Variants in JAK3 observed in about 807,000 individuals in gnomAD.
JAK3 encodes Janus kinase 3, also known as tyrosine-protein kinase JAK3.
Under a neutral mutation model 120.8 loss-of-function variants are expected in JAK3, and 88 were observed. That is an observed-to-expected ratio of 0.73 (90% confidence interval 0.61 to 0.87). The LOEUF is 0.87. Among genes scored for constraint, JAK3 ranks in the 40% least tolerant of loss-of-function variants. The probability of loss-of-function intolerance (pLI) is 0.00; values close to 1 mark genes in which losing one functional copy is unlikely to be tolerated. For missense variants in JAK3, 1,254 were observed against 1,501.4 expected (o/e 0.84, Z 2.72); for synonymous variants, 592 against 628.6 (o/e 0.94, Z 0.87).
rs150123103 is a variant in JAK3, at chr19:17,841,185, C to A, written c.1142+204G>T. Among the ~76,000 whole-genome samples, 131 of 152,210 alleles carry A rather than the reference C, an allele frequency of 8.6e-4. No individual in the cohort carries two copies. The highest frequency in any genetic ancestry group is 2.1e-3 in the African/African-American group (89 of 41,530). ...ACTTGTCCATCTCCAGGAAATGGCC[C>A]TGGGGTCAGAGAGAGAGAGAGTAGT... On this transcript the variant is annotated intron_variant, in intron 8 of 23. Transcript: ENST00000458235. The surrounding 1 kb of genome is among the most constrained non-coding windows in gnomAD (Gnocchi z 4.1).
chr19:17,837,048 T>C, intron 13 of JAK3, 81 bp downstream of exon 13: 1 of 888,692 alleles, frequency 1.1e-6, no homozygotes, highest in Non-Finnish European at 1.7e-6. Context: ...GGCTGTCATA[T>C]AGCGGCTCAG....
At chr19:17,833,501 A>C (rs188320369) in intron 17 of JAK3, among the ~76,000 whole-genome samples, 1 of 149,578 alleles carries the variant, frequency 6.7e-6, no homozygotes, top group Admixed American at 6.8e-5. Context: ...TGAGCCAGTA[A>C]TTCAAGACCA....
At position 17,841,664 on chromosome 19, in the gene JAK3, A is replaced by G. The variant is rs747799438; in HGVS notation, c.960T>C (p.Val320=). 5.0e-6 allele frequency: 8 copies of G among 1,613,846 alleles called. No homozygotes were observed. The Admixed American group carries it at 1.2e-4, about 24-fold the overall frequency. The change falls in exon 7 of 24, where the codon GTT becomes GTC. Residue 320 remains valine (V), a synonymous_variant. Transcript: ENST00000458235. The surrounding 1 kb of genome is among the most constrained non-coding windows in gnomAD (Gnocchi z 4.1). ...CTAAAATCTGGTTGTCTGTCCTGGT[A>G]ACAGTGACCAGGCGGTGCTCTCCGG... The part of the protein sequence containing the change: ...GPAGEHRLVT[V]TRTDNQILEA...
chr19:17,838,077 G>A lies in JAK3; in HGVS notation c.1570-14C>T, dbSNP rs1401110943. 6.2e-7 allele frequency: 1 copy of A among 1,614,124 alleles called. No homozygotes were observed. Among genetic ancestry groups the A allele is most frequent in the Non-Finnish European group, 8.5e-7 (1 of 1,180,038 alleles). On this transcript the variant is annotated splice_polypyrimidine_tract_variant and intron_variant, in intron 11 of 23. Coordinates refer to ENST00000458235, the MANE Select transcript of JAK3 (RefSeq NM_000215.4). ...CAGGTTCTCATGCTGAATGGTGAGG[G>A]GACAGCAGAAGAGGCCAGTGAGGGG...
chr19:17,825,378 G>A lies in JAK3; in HGVS notation c.*1365C>T, dbSNP rs2094202163. On this transcript the variant is annotated 3_prime_UTR_variant, in exon 24 of 24. Coordinates refer to ENST00000458235, the MANE Select transcript of JAK3 (RefSeq NM_000215.4). ...GTGTCATCCCTTTGTGCCCCTTGTA[G>A]GGTGAGGACAGAAAGGGTCCCATTG... 4.0e-5 allele frequency: 9 copies of A among 224,058 alleles called. No individual in the cohort carries two copies. In the Admixed American group the frequency reaches 5.2e-4, roughly 13 times the overall value. 13.9% of individuals were successfully genotyped at this position (224,058 alleles called of 1,614,324 possible).
chr19:17,828,005 T>C (rs1485633277), intron 23 of JAK3, among the ~76,000 whole-genome samples: 1 of 151,910 alleles, frequency 6.6e-6, no homozygotes, highest in East Asian at 1.9e-4. Context: ...CACATCTGCC[T>C]CCATCGCACT....
chr19:17,829,771 GAA>G (rs59186613), intron 23 of JAK3: 11 of 381,588 alleles, frequency 2.9e-5, no homozygotes, highest in Non-Finnish European at 4.2e-5. Context: ...AAGAAAGAAA[GAA>G]AAAAAAAAAC....
chr19:17,843,992 C>G lies in JAK3; in HGVS notation c.185-92G>C. ...ATCATACCCAACCGTCCAGATCCTT[C>G]CATACCTCAAGGTATGACCAGCTGT... On this transcript the variant is annotated intron_variant, in intron 2 of 23. Coordinates refer to ENST00000458235, the MANE Select transcript of JAK3 (RefSeq NM_000215.4). This position sits in a 1 kb window ranked among gnomAD's most constrained non-coding sequence, Gnocchi z 5.4. 6.6e-7 allele frequency: 1 copy of G among 1,504,618 alleles called. No individual in the cohort carries two copies. Among genetic ancestry groups the G allele is most frequent in the South Asian group, 1.2e-5 (1 of 83,648 alleles). The allele number at this position is 1,504,618 out of a possible 1,614,324, so 93.2% of individuals were successfully genotyped here. A position where few individuals can be genotyped will look rare whatever the true frequency, so the allele number is the denominator to read the frequency against.
chr19:17,835,190 T>C lies in JAK3; in HGVS notation c.1940A>G (p.Asn647Ser). The C allele has an allele frequency of 1.2e-6, 2 of 1,614,134 alleles. No individual in the cohort carries two copies. The highest frequency in any genetic ancestry group is 8.5e-7 in the Non-Finnish European group (1 of 1,180,016). The change falls in exon 15 of 24, where the codon AAT (asparagine) becomes AGT (serine). Residue 647 changes from asparagine to serine, a missense_variant. Transcript: ENST00000458235. Reference sequence around the variant, plus strand: ...CAGGAGCACCTTCCGGGCAGAGACATTGCCATGGGGCAGGCCTTTGTCCTC... The same window carrying C: ...CAGGAGCACCTTCCGGGCAGAGACACTGCCATGGGGCAGGCCTTTGTCCTC... ...YLEDKGLPHG[N>S]VSARKVLLAR...
rs2094201540 is a variant in JAK3 at position 17,824,987 on chromosome 19, G to A, written c.*1756C>T. 1 of 222,650 alleles carries A rather than the reference G, an allele frequency of 4.5e-6. No homozygotes were observed. The highest frequency in any genetic ancestry group is 5.7e-5 in the Admixed American group (1 of 17,396). 13.8% of individuals were successfully genotyped at this position (222,650 alleles called of 1,614,324 possible). A position where few individuals can be genotyped will look rare whatever the true frequency, so the allele number is the denominator to read the frequency against. On this transcript the variant is annotated 3_prime_UTR_variant, in exon 24 of 24. Transcript: ENST00000458235. Reference sequence around the variant, plus strand: ...GTATATGAGGGAAGGCTGCAAGGATGTGGTAGCTGGAGTTTTGAGAGATGG... The same window carrying A: ...GTATATGAGGGAAGGCTGCAAGGATATGGTAGCTGGAGTTTTGAGAGATGG...
rs977034183 is a variant in JAK3 at position 17,847,454 on chromosome 19, A to T, written c.-14+492T>A. On this transcript the variant is annotated intron_variant, in intron 1 of 23. Coordinates refer to ENST00000458235, the MANE Select transcript of JAK3 (RefSeq NM_000215.4). ...AACGCCATAGTTTTTTTGGTTTTTT[A>T]AAAATGTTTGTAGAAATGGAGGTCT... Among the ~76,000 whole-genome samples the T allele has an allele frequency of 2.0e-5, 3 of 152,010 alleles. No homozygotes were observed. In the South Asian group the frequency reaches 6.2e-4, roughly 31 times the overall value.
chr19:17,832,630 G>A lies in JAK3; in HGVS notation c.2569C>T (p.Leu857=). The part of the protein sequence containing the change: ...NTGALVAVKQ[L]QHSGPDQQRD... Reference sequence around the variant, plus strand: ...TGCTGGTCTGGCCCGCTGTGCTGCAGCTGTTTCACGGCCACCAGGGCACCT... The same window carrying A: ...TGCTGGTCTGGCCCGCTGTGCTGCAACTGTTTCACGGCCACCAGGGCACCT... The change falls in exon 19 of 24, where the codon CTG becomes TTG. Residue 857 remains leucine (L), a synonymous_variant. Coordinates refer to ENST00000458235, the MANE Select transcript of JAK3 (RefSeq NM_000215.4). The surrounding 1 kb of genome is among the most constrained non-coding windows in gnomAD (Gnocchi z 4.7). The A allele has an allele frequency of 1.2e-6, 2 of 1,614,228 alleles. No individual in the cohort carries two copies. The highest frequency in any genetic ancestry group is 1.7e-6 in the Non-Finnish European group (2 of 1,180,044).
At chr19:17,830,316 G>T in intron 22 of JAK3, 98 bp from the exon 23 acceptor site, 1 of 998,176 alleles carries the variant, frequency 1.0e-6, no homozygotes. Context: ...CTGTGATGGA[G>T]CGGGGAGGGG....
chr19:17,847,897 A>AAAC, intron 1 of JAK3, 49 bp downstream of exon 1: 1 of 695,096 alleles, frequency 1.4e-6, no homozygotes, highest in Non-Finnish European at 1.8e-6. Context: ...CGCCACCACC[A>AAAC]TCCTCCCCCA....
At position 17,841,793 on chromosome 19, in the gene JAK3, G is replaced by A. The variant is rs760486325; in HGVS notation, c.862-31C>T. ...AAGGAGGGGGAGTACCGAAGTGGGG[G>A]CCCAGCTGGACCCCGCCAAACCACG... On this transcript the variant is annotated intron_variant, in intron 6 of 23. Transcript: ENST00000458235. This position sits in a 1 kb window ranked among gnomAD's most constrained non-coding sequence, Gnocchi z 4.1. 28 of 1,599,102 alleles carry A rather than the reference G, an allele frequency of 1.8e-5. No individual in the cohort carries two copies. The highest frequency in any genetic ancestry group is 1.7e-4 in the Middle Eastern group (1 of 5,828).
Position 17,825,220 on chromosome 19 carries a change from G to A in JAK3, c.*1523C>T, listed in dbSNP as rs145985086. 108 of 229,602 alleles carry A rather than the reference G, an allele frequency of 4.7e-4. No homozygotes were observed. Among genetic ancestry groups the A allele is most frequent in the Admixed American group, 2.0e-3 (35 of 17,668 alleles). The allele number at this position is 229,602 out of a possible 1,614,324, so 14.2% of individuals were successfully genotyped here. A position where few individuals can be genotyped will look rare whatever the true frequency, so the allele number is the denominator to read the frequency against. The stretch of plus-strand genomic sequence containing the variant: ...GCCCACTGTCACACTGCATGGAAGG[G>A]GCAAAACTGTAGGCTCCAATACTTG... On this transcript the variant is annotated 3_prime_UTR_variant, in exon 24 of 24. Transcript: ENST00000458235.
At chr19:17,838,972 T>C (rs1401847587) in intron 10 of JAK3, among the ~76,000 whole-genome samples, 1 of 152,108 alleles carries the variant, frequency 6.6e-6, no homozygotes, top group Non-Finnish European at 1.5e-5. Context: ...TGCCTCAGCC[T>C]CCCGAAGTGC....
At position 17,832,264 on chromosome 19, in the gene JAK3, A is replaced by C. The variant is rs1568401746; in HGVS notation, c.2680+255T>G. 1.3e-5 allele frequency among the ~76,000 whole-genome samples: 2 copies of C among 152,142 alleles called. No homozygotes were observed. Among genetic ancestry groups the C allele is most frequent in the East Asian group, 1.9e-4 (1 of 5,196 alleles). ...TGACAGAGCGAGACTCTGTCTCAAA[A>C]AAACAAACAAACAACAACAACAACA... is the stretch of plus-strand genomic sequence containing the variant. On this transcript the variant is annotated intron_variant, in intron 19 of 23. Coordinates refer to ENST00000458235, the MANE Select transcript of JAK3 (RefSeq NM_000215.4). The surrounding 1 kb of genome is among the most constrained non-coding windows in gnomAD (Gnocchi z 4.7).
intron 14 of JAK3, among the ~76,000 whole-genome samples, chr19:17,835,438 C>T (rs2094222517): frequency 6.6e-6 from 1 of 152,182 alleles, no homozygotes; most frequent in Non-Finnish European, 1.5e-5. Flanking sequence ...TGTGACTCCC[C>T]AGTGCCTTTG....
Sources: allele counts gnomAD v4.1 joint callset (sites outside exome capture counted in the v4.1 genomes callset), GRCh38; gene constraint gnomAD v4.1.1; non-coding constraint Gnocchi (gnomAD v3.1); transcripts MANE v1.5; gene names NCBI Gene and HGNC (gene_info 2026-07-23, HGNC 2026-07-21).